The following LPP variants were observed in gnomAD, a reference collection of about 807,000 sequenced individuals.
LPP encodes LIM domain containing preferred translocation partner in lipoma, also known as lipoma-preferred partner.
LPP carries 38 observed loss-of-function variants against 60.4 expected under a neutral mutation model. The ratio of observed to expected loss-of-function variants is 0.63; its 90% confidence interval spans 0.49 to 0.83. The LOEUF is 0.83. Ranked by LOEUF, LPP falls within the 40% of genes least tolerant of loss-of-function variation. The pLI, the probability that LPP is intolerant of heterozygous loss-of-function variation, is 0.00. For missense variants in LPP, 902 were observed against 783.6 expected, an observed-to-expected ratio of 1.15 and a Z score of -1.80; for synonymous variants, 328 against 290.8, an observed-to-expected ratio of 1.13 and a Z score of -1.30.
Position 188,881,895 on chromosome 3 carries a change from C to T in LPP, c.*7416C>T, listed in dbSNP as rs532210377. ...TGGTTGATTGATTTCGAGATTCATTCATTCTGTGCTCAAATATTTGTACCT... is the reference window on the plus strand; with the variant it reads ...TGGTTGATTGATTTCGAGATTCATTTATTCTGTGCTCAAATATTTGTACCT... On this transcript the variant is annotated 3_prime_UTR_variant, in exon 12 of 12. Transcript: ENST00000617246. The T allele has an allele frequency of 4.6e-6, 1 of 216,756 alleles. No individual in the cohort carries two copies. Among genetic ancestry groups the T allele is most frequent in the East Asian group, 6.9e-5 (1 of 14,558 alleles). The allele number at this position is 216,756 out of a possible 1,614,324, so 13.4% of individuals were successfully genotyped here.
intron 2 of LPP, among the ~76,000 whole-genome samples, chr3:188,338,667 AT>A (rs1234973255): frequency 1.1e-4 from 16 of 152,192 alleles, no homozygotes; most frequent in Non-Finnish European, 2.2e-4. Flanking sequence ...TTCGGAATGA[AT>A]ATCTTGGACA....
chr3:188,341,923 C>T (rs557579120), intron 3 of LPP, among the ~76,000 whole-genome samples: 1 of 151,954 alleles, frequency 6.6e-6, no homozygotes. Flanking sequence ...TAATTCATAG[C>T]CCTTAAGGTT....
intron 6 of LPP, among the ~76,000 whole-genome samples, chr3:188,583,906 C>T (rs80278137): frequency 0.026 from 3,901 of 152,238 alleles, 80 homozygotes; most frequent in South Asian, 0.091. Flanking sequence ...GGGAAAGCCC[C>T]AGGACAAGTC....
chr3:188,636,819 G>T (rs984083736), intron 7 of LPP, among the ~76,000 whole-genome samples: 1 of 151,532 alleles, frequency 6.6e-6, no homozygotes, highest in Admixed American at 6.6e-5. Flanking sequence ...ACACGGCAGG[G>T]TATTCCAACA....
chr3:188,243,971 G>A (rs1725937187), intron 2 of LPP, among the ~76,000 whole-genome samples: 1 of 152,124 alleles, frequency 6.6e-6, no homozygotes, highest in South Asian at 2.1e-4. Context: ...CACTTCCCGG[G>A]TTCAAGCGAT....
intron 8 of LPP, among the ~76,000 whole-genome samples, chr3:188,717,035 T>C (rs1461690955): frequency 6.6e-6 from 1 of 152,176 alleles, no homozygotes. Flanking sequence ...AAATAGACAG[T>C]GTGTTTATTT....
At chr3:188,760,347 C>T (rs1038291822) in intron 9 of LPP, 65 bp downstream of exon 9, 51 of 1,536,622 alleles carry the variant, frequency 3.3e-5, no homozygotes, top group Non-Finnish European at 4.4e-5. Flanking sequence ...ATGCCAGTCA[C>T]TCTAGATAGA....
At chr3:188,756,929 A>T (rs1730458621) in intron 8 of LPP, among the ~76,000 whole-genome samples, 1 of 152,230 alleles carries the variant, frequency 6.6e-6, no homozygotes, top group East Asian at 1.9e-4. Flanking sequence ...ATAGCTGAGA[A>T]GGCAATTCCG....
At chr3:188,196,971 A>G (rs1432695354) in intron 1 of LPP, among the ~76,000 whole-genome samples, 1 of 152,152 alleles carries the variant, frequency 6.6e-6, no homozygotes, top group Non-Finnish European at 1.5e-5. Context: ...TGCTTCCTCC[A>G]TTTTAGGCCA....
chr3:188,508,816 T>C lies in LPP; in HGVS notation c.307-15849T>C, dbSNP rs919876142. ...AAGAATTCTTTAATGTGTTCAGAGT[T>C]GTGGGATTTTAATTAAATTGTTCCA... On this transcript the variant is annotated intron_variant, in intron 5 of 11. Transcript: ENST00000617246. Among the ~76,000 whole-genome samples the C allele has an allele frequency of 1.2e-4, 19 of 152,344 alleles. 1 individual carries two copies. Among genetic ancestry groups the C allele is most frequent in the African/African-American group, 4.6e-4 (19 of 41,578 alleles).
In LPP at chr3:188,882,138, A is replaced by G. The variant is rs1047900065; in HGVS notation, c.*7659A>G. On this transcript the variant is annotated 3_prime_UTR_variant, in exon 12 of 12. Coordinates refer to ENST00000617246, the MANE Select transcript of LPP (RefSeq NM_001375462.1). Reference sequence around the variant, plus strand: ...AACCACTTAAATCTGTACTTACTCAATAGGAAGGAATGTGACATCAGGAAG... The same window carrying G: ...AACCACTTAAATCTGTACTTACTCAGTAGGAAGGAATGTGACATCAGGAAG... 1 of 211,712 alleles carries G rather than the reference A, an allele frequency of 4.7e-6. No individual in the cohort carries two copies. Among genetic ancestry groups the G allele is most frequent in the Non-Finnish European group, 9.6e-6 (1 of 104,506 alleles). 13.1% of individuals were successfully genotyped at this position (211,712 alleles called of 1,614,324 possible). A position where few individuals can be genotyped will look rare whatever the true frequency, so the allele number is the denominator to read the frequency against.
At chr3:188,586,628 T>C (rs1179254468) in intron 6 of LPP, among the ~76,000 whole-genome samples, 1 of 152,158 alleles carries the variant, frequency 6.6e-6, no homozygotes. Context: ...GATATTTCTA[T>C]GAGAAATGAA....
chr3:188,165,021 C>T (rs534343340), intron 1 of LPP, among the ~76,000 whole-genome samples: 25 of 152,056 alleles, frequency 1.6e-4, no homozygotes, highest in South Asian at 6.2e-4. Flanking sequence ...ATTGTAATCC[C>T]GGTACTTTGG....
chr3:188,854,434 A>G (rs1448191657), intron 9 of LPP, among the ~76,000 whole-genome samples: 4 of 151,804 alleles, frequency 2.6e-5, no homozygotes, highest in Non-Finnish European at 5.9e-5. Context: ...ACACATCAGC[A>G]GTGCCCTCTT....
chr3:188,327,725 A>G (rs1758841245), intron 2 of LPP, among the ~76,000 whole-genome samples: 1 of 152,154 alleles, frequency 6.6e-6, no homozygotes, highest in Admixed American at 6.5e-5. Flanking sequence ...AGCGTCTGAA[A>G]GTAGAGATGA....
chr3:188,414,071 G>A (rs1785542171), intron 4 of LPP, among the ~76,000 whole-genome samples: 1 of 152,086 alleles, frequency 6.6e-6, no homozygotes, highest in African/African-American at 2.4e-5. Context: ...GGCACTGAGT[G>A]AAACAGAGAC....
intron 3 of LPP, among the ~76,000 whole-genome samples, chr3:188,363,819 C>A (rs1770283016): frequency 6.6e-6 from 1 of 150,380 alleles, no homozygotes; most frequent in Admixed American, 6.7e-5. Flanking sequence ...GCAGAAGAAT[C>A]CCTTGATCCT....
At chr3:188,169,839 T>C (rs1376930643) in intron 1 of LPP, among the ~76,000 whole-genome samples, 1 of 152,192 alleles carries the variant, frequency 6.6e-6, no homozygotes, top group East Asian at 1.9e-4. Context: ...CTAGTAACTA[T>C]GATACAGGGT....
At chr3:188,759,570 T>C (rs1731464189) in intron 8 of LPP, 1 of 154,258 alleles carries the variant, frequency 6.5e-6, no homozygotes. Context: ...CAAAGCGATC[T>C]AGAAATTAAA....
Sources: allele counts gnomAD v4.1 joint callset (sites outside exome capture counted in the v4.1 genomes callset), GRCh38; gene constraint gnomAD v4.1.1; transcripts MANE v1.5; gene names NCBI Gene and HGNC (gene_info 2026-07-23, HGNC 2026-07-21).